Variants in TRIM66 observed in about 807,000 individuals in gnomAD.
TRIM66 encodes the protein tripartite motif containing 66.
In TRIM66, 99 loss-of-function variants were observed where a neutral mutation model predicts 148.2. That is an observed-to-expected ratio of 0.67 (90% CI 0.57 to 0.79). The LOEUF (loss-of-function observed/expected upper bound fraction) is 0.79. TRIM66 is among the 30% of genes least tolerant of loss of function. TRIM66 has a pLI of 0.00. For missense variants in TRIM66, 1,666 were observed against 1,697.9 expected, an observed-to-expected ratio of 0.98 and a Z score of 0.33; for synonymous variants, 616 against 635.9, an observed-to-expected ratio of 0.97 and a Z score of 0.47.
chr11:8,677,842 G>A (rs923569495), intron 3 of TRIM66, among the ~76,000 whole-genome samples: 1 of 152,152 alleles, frequency 6.6e-6, no homozygotes, highest in Non-Finnish European at 1.5e-5. Context: ...CTTTAGGAAT[G>A]TAATTGCCAT....
At chr11:8,653,628 C>G (rs1372919911) in intron 6 of TRIM66, among the ~76,000 whole-genome samples, 2 of 152,180 alleles carry the variant, frequency 1.3e-5, no homozygotes, top group Admixed American at 6.5e-5. Flanking sequence ...CCAGCCCAAA[C>G]AGCCAAACTG....
rs934480599 is a variant in TRIM66 at position 8,614,169 on chromosome 11, T to C, written c.*3775A>G. 6.6e-6 allele frequency: 1 copy of C among 152,020 alleles called. No homozygotes were observed. Among genetic ancestry groups the C allele is most frequent in the Non-Finnish European group, 1.5e-5 (1 of 68,082 alleles). 9.4% of individuals were successfully genotyped at this position (152,020 alleles called of 1,614,324 possible). A position where few individuals can be genotyped will look rare whatever the true frequency, so the allele number is the denominator to read the frequency against. ...GCTTGAGCAACATGGCGAAACTCCATCTCTACCTAAAGTAGAAAAATTAGC... is the reference window on the plus strand; with the variant it reads ...GCTTGAGCAACATGGCGAAACTCCACCTCTACCTAAAGTAGAAAAATTAGC... On this transcript the variant is annotated 3_prime_UTR_variant, in exon 25 of 25. Transcript: ENST00000646038.
At chr11:8,669,419 A>G (rs1279320686) in intron 6 of TRIM66, among the ~76,000 whole-genome samples, 1 of 152,128 alleles carries the variant, frequency 6.6e-6, no homozygotes, top group East Asian at 1.9e-4. Flanking sequence ...CGAGGCAGGC[A>G]GGTCACTTGA....
intron 15 of TRIM66, 117 bp downstream of exon 15, chr11:8,638,537 C>T (rs1050347872): frequency 1.4e-5 from 16 of 1,139,576 alleles, no homozygotes; most frequent in Middle Eastern, 2.1e-4. Flanking sequence ...GGCTGTGTAG[C>T]GTCCAGGGAT....
At chr11:8,659,673 G>A (rs1448133046) in intron 6 of TRIM66, among the ~76,000 whole-genome samples, 2 of 152,222 alleles carry the variant, frequency 1.3e-5, no homozygotes, top group Non-Finnish European at 2.9e-5. Flanking sequence ...TCTCTTGTGT[G>A]TGGGTGTGGG....
At chr11:8,646,155 G>A (rs1186601648) in intron 11 of TRIM66, among the ~76,000 whole-genome samples, 1 of 152,194 alleles carries the variant, frequency 6.6e-6, no homozygotes, top group African/African-American at 2.4e-5. Context: ...GCATAAATTG[G>A]TGAAGAAGGT....
At chr11:8,656,934 G>C (rs1306945352) in intron 6 of TRIM66, among the ~76,000 whole-genome samples, 1 of 152,222 alleles carries the variant, frequency 6.6e-6, no homozygotes, top group East Asian at 1.9e-4. Flanking sequence ...TTGGCACTGA[G>C]CTGGGAGCCA....
intron 21 of TRIM66, 131 bp from the exon 22 acceptor site, chr11:8,620,255 A>G: frequency 7.7e-7 from 1 of 1,304,076 alleles, no homozygotes; most frequent in Admixed American, 2.3e-5. Flanking sequence ...GGCACAATTC[A>G]GGTTCCCAAG....
intron 15 of TRIM66, among the ~76,000 whole-genome samples, chr11:8,633,097 A>T (rs1241947726): frequency 1.3e-5 from 2 of 152,224 alleles, no homozygotes; most frequent in Non-Finnish European, 2.9e-5. Context: ...TTGGAGACTC[A>T]GGAGAATTTG....
At chr11:8,624,167 C>G (rs2034579255) in intron 17 of TRIM66, among the ~76,000 whole-genome samples, 192 bp downstream of exon 17, 1 of 152,180 alleles carries the variant, frequency 6.6e-6, no homozygotes, top group Non-Finnish European at 1.5e-5. Flanking sequence ...CCTAGATCAG[C>G]CATGGCCACA....
rs1187167601 is a variant in TRIM66, at chr11:8,615,754, G to A, written c.*2190C>T. ...CCCAGCAAGCTGATCCGTGAGCCCAGGAGGCCACACCCAAGCTGGGAGCCT... is the reference window on the plus strand; with the variant it reads ...CCCAGCAAGCTGATCCGTGAGCCCAAGAGGCCACACCCAAGCTGGGAGCCT... On this transcript the variant is annotated 3_prime_UTR_variant, in exon 25 of 25. Coordinates refer to ENST00000646038, the MANE Select transcript of TRIM66 (RefSeq NM_001388022.1). The A allele has an allele frequency of 2.0e-5, 3 of 152,128 alleles. No homozygotes were observed. Among genetic ancestry groups the A allele is most frequent in the Non-Finnish European group, 4.4e-5 (3 of 68,022 alleles). 9.4% of individuals were successfully genotyped at this position (152,128 alleles called of 1,614,324 possible). A position where few individuals can be genotyped will look rare whatever the true frequency, so the allele number is the denominator to read the frequency against.
intron 15 of TRIM66, among the ~76,000 whole-genome samples, chr11:8,628,107 C>T (rs951611161): frequency 5.3e-5 from 8 of 151,436 alleles, no homozygotes; most frequent in African/African-American, 1.7e-4. Context: ...GCTGGGATTA[C>T]AGGCATGAAC....
At chr11:8,644,278 C>A (rs1431648407) in intron 12 of TRIM66, 1 of 363,304 alleles carries the variant, frequency 2.8e-6, no homozygotes, top group African/African-American at 2.1e-5. Flanking sequence ...TCTGGGGCCA[C>A]TTCAGTGATT....
chr11:8,680,967 T>G (rs960230488), intron 1 of TRIM66: 1 of 152,228 alleles, frequency 6.6e-6, no homozygotes, highest in Admixed American at 6.5e-5. Flanking sequence ...GAGTCCAATT[T>G]GGCAATTCGT....
intron 1 of TRIM66, among the ~76,000 whole-genome samples, chr11:8,681,513 C>T (rs1256630884): frequency 6.6e-6 from 1 of 152,130 alleles, no homozygotes; most frequent in Admixed American, 6.5e-5. Context: ...CACGCTCACA[C>T]ATACACACAG....
Position 8,613,791 on chromosome 11 carries a change from G to T in TRIM66, c.*4153C>A, listed in dbSNP as rs894547068. The stretch of plus-strand genomic sequence containing the variant: ...AATGAGAGGGGAGAGAGGAACAGCA[G>T]GCAAGGAAGCTCTTGCTTTAGGGGC... On this transcript the variant is annotated 3_prime_UTR_variant, in exon 25 of 25. Transcript: ENST00000646038. 7 of 152,150 alleles carry T rather than the reference G, an allele frequency of 4.6e-5. No homozygotes were observed. Among genetic ancestry groups the T allele is most frequent in the African/African-American group, 1.7e-4 (7 of 41,406 alleles). The allele number at this position is 152,150 out of a possible 1,614,324, so 9.4% of individuals were successfully genotyped here. A position where few individuals can be genotyped will look rare whatever the true frequency, so the allele number is the denominator to read the frequency against.
Position 8,638,514 on chromosome 11 carries a change from A to C in TRIM66, c.2310+140T>G, listed in dbSNP as rs565027155. The C allele has an allele frequency of 6.7e-6, 6 of 895,484 alleles. No homozygotes were observed. In the African/African-American group the frequency reaches 8.8e-5, roughly 13 times the overall value. 55.5% of individuals were successfully genotyped at this position (895,484 alleles called of 1,614,324 possible). A position where few individuals can be genotyped will look rare whatever the true frequency, so the allele number is the denominator to read the frequency against. ...TAGGTTGCTGACTCACTACGGCAGAAGGCATGAATCAGGGCTGTGTAGCGT... is the reference window on the plus strand; with the variant it reads ...TAGGTTGCTGACTCACTACGGCAGACGGCATGAATCAGGGCTGTGTAGCGT... On this transcript the variant is annotated intron_variant, in intron 15 of 24. Coordinates refer to ENST00000646038, the MANE Select transcript of TRIM66 (RefSeq NM_001388022.1).
chr11:8,619,191 C>G lies in TRIM66; in HGVS notation c.3900+192G>C, dbSNP rs189602684. 515 of 744,910 alleles carry G rather than the reference C, an allele frequency of 6.9e-4. 4 individuals carry two copies. The African/African-American group carries it at 8.2e-3, about 12-fold the overall frequency. 46.1% of individuals were successfully genotyped at this position (744,910 alleles called of 1,614,324 possible). On this transcript the variant is annotated intron_variant, in intron 23 of 24. Transcript: ENST00000646038. Reference sequence around the variant, plus strand: ...CAGATGGCCACTCACTAGTACCTCCCCTTTTTCCTGAGTCCATGCTAAGGC... The same window carrying G: ...CAGATGGCCACTCACTAGTACCTCCGCTTTTTCCTGAGTCCATGCTAAGGC...
chr11:8,645,111 T>A (rs2036735093), intron 12 of TRIM66, among the ~76,000 whole-genome samples: 1 of 152,184 alleles, frequency 6.6e-6, no homozygotes, highest in Non-Finnish European at 1.5e-5. Context: ...TCTTCCAAGG[T>A]GATACCACTG....
Sources: gnomAD v4.1 joint callset for allele counts (sites outside exome capture counted in the v4.1 genomes callset) on GRCh38, gnomAD v4.1.1 for gene constraint, MANE v1.5 for transcripts, NCBI Gene and HGNC (gene_info 2026-07-23, HGNC 2026-07-21) for gene names.